Variants in UVRAG observed in about 807,000 individuals in gnomAD.
UVRAG encodes UV radiation resistance associated, also known as UV radiation resistance-associated gene protein.
Under a neutral mutation model 78.0 loss-of-function variants are expected in UVRAG, and 19 were observed. The observed-to-expected ratio is 0.24, with a 90% CI of 0.17 to 0.36. UVRAG has a LOEUF of 0.36. Ranked by LOEUF, UVRAG falls within the 10% of genes least tolerant of loss-of-function variation. UVRAG has a pLI of 1.00. For synonymous variants in UVRAG, 323 were observed against 324.6 expected (o/e 1.00, Z 0.05); for missense variants, 740 against 853.8 (o/e 0.87, Z 1.66).
chr11:75,927,192 C>T (rs1948128227), intron 6 of UVRAG, among the ~76,000 whole-genome samples: 1 of 151,928 alleles, frequency 6.6e-6, no homozygotes, highest in Non-Finnish European at 1.5e-5. Flanking sequence ...GCCTCAGCCT[C>T]CCGAGTAGCT....
At chr11:75,842,442 CTTTTTTT>C (rs11316075) in intron 1 of UVRAG, among the ~76,000 whole-genome samples, 1 of 134,234 alleles carries the variant, frequency 7.4e-6, no homozygotes, top group Non-Finnish European at 1.6e-5. Context: ...CCTTTTCTTT[CTTTTTTT>C]TTTTTTTTTT....
At chr11:75,949,070 G>A (rs372422279) in intron 6 of UVRAG, among the ~76,000 whole-genome samples, 24 of 152,138 alleles carry the variant, frequency 1.6e-4, no homozygotes, top group African/African-American at 5.3e-4. Flanking sequence ...ACCAGTTAGG[G>A]GCTATTGGCT....
intron 13 of UVRAG, among the ~76,000 whole-genome samples, chr11:76,070,592 A>G (rs892455046): frequency 1.3e-5 from 2 of 152,188 alleles, no homozygotes; most frequent in African/African-American, 4.8e-5. Context: ...AAATTTTTTT[A>G]AAGTTAGGTG....
chr11:75,876,579 AT>A (rs1211198715), intron 3 of UVRAG, among the ~76,000 whole-genome samples: 1 of 152,110 alleles, frequency 6.6e-6, no homozygotes, highest in African/African-American at 2.4e-5. Flanking sequence ...CATGGCTAGC[AT>A]TTAGTTTTTA....
chr11:75,977,619 T>A lies in UVRAG; in HGVS notation c.700-5768T>A, dbSNP rs531390240. Among the ~76,000 whole-genome samples, 533 of 152,348 alleles carry A rather than the reference T, an allele frequency of 3.5e-3. 3 individuals carry two copies. Among genetic ancestry groups the A allele is most frequent in the African/African-American group, 0.012 (483 of 41,578 alleles). ...CTAGTTGAATTGATCTCTTTACCAT[T>A]ATGTAATGGCCTTCTTTGTCTCTTC... On this transcript the variant is annotated intron_variant, in intron 7 of 14. Coordinates refer to ENST00000356136, the MANE Select transcript of UVRAG (RefSeq NM_003369.4).
chr11:75,850,848 A>T (rs1232642863), intron 1 of UVRAG, among the ~76,000 whole-genome samples: 1 of 152,228 alleles, frequency 6.6e-6, no homozygotes, highest in African/African-American at 2.4e-5. Context: ...AAACAAATTT[A>T]TTAGACAATA....
In UVRAG at chr11:75,897,869, T is replaced by TG. The variant is rs1665475803; in HGVS notation, c.507+8966_507+8967insG. 3.5e-5 allele frequency among the ~76,000 whole-genome samples: 3 copies of TG among 85,964 alleles called. No homozygotes were observed. The South Asian group carries it at 1.3e-3, about 37-fold the overall frequency. 56.4% of individuals were successfully genotyped at this position (85,964 alleles called of 152,430 possible). On this transcript the variant is annotated intron_variant, in intron 5 of 14. Coordinates refer to ENST00000356136, the MANE Select transcript of UVRAG (RefSeq NM_003369.4). ...CTATATACTTACCTTCATAGCTCTT[T>TG]AATTTTTTTTTTTTTTTTTTGGACA... is the stretch of plus-strand genomic sequence containing the variant.
chr11:76,063,807 C>T (rs1951136434), intron 12 of UVRAG, among the ~76,000 whole-genome samples: 1 of 152,070 alleles, frequency 6.6e-6, no homozygotes, highest in Non-Finnish European at 1.5e-5. Context: ...TAATGTAATT[C>T]TCCAATATAA....
At chr11:75,880,873 C>T (rs1427200416) in intron 4 of UVRAG, among the ~76,000 whole-genome samples, 1 of 150,542 alleles carries the variant, frequency 6.6e-6, no homozygotes, top group Non-Finnish European at 1.5e-5. Flanking sequence ...TCTCTTTTAA[C>T]TGGGCTCAAA....
chr11:76,040,909 A>C (rs1591166470), intron 12 of UVRAG, among the ~76,000 whole-genome samples: 1 of 152,174 alleles, frequency 6.6e-6, no homozygotes, highest in South Asian at 2.1e-4. Context: ...ACACGGTAAC[A>C]ATCAGCAGAC....
intron 13 of UVRAG, among the ~76,000 whole-genome samples, chr11:76,070,496 G>A (rs1301153866): frequency 1.3e-5 from 2 of 152,076 alleles, no homozygotes; most frequent in Non-Finnish European, 2.9e-5. Context: ...TTGTTTGACT[G>A]CTATAATCAT....
intron 12 of UVRAG, among the ~76,000 whole-genome samples, chr11:76,038,463 AT>A (rs985533229): frequency 6.6e-6 from 1 of 152,196 alleles, no homozygotes; most frequent in African/African-American, 2.4e-5. Context: ...TTTAGAGATA[AT>A]TTGAAGTATA....
chr11:75,836,445 G>T (rs1590915990), intron 1 of UVRAG, among the ~76,000 whole-genome samples: 1 of 152,088 alleles, frequency 6.6e-6, no homozygotes. Context: ...CCTGGGCTGG[G>T]TACACCATGT....
At chr11:75,955,627 C>G (rs1320416840) in intron 6 of UVRAG, among the ~76,000 whole-genome samples, 1 of 152,154 alleles carries the variant, frequency 6.6e-6, no homozygotes, top group East Asian at 1.9e-4. Flanking sequence ...AAGCCAGGTG[C>G]AGTGGCTCAC....
At chr11:76,101,145 G>A (rs1349434560) in intron 13 of UVRAG, among the ~76,000 whole-genome samples, 1 of 152,070 alleles carries the variant, frequency 6.6e-6, no homozygotes, top group African/African-American at 2.4e-5. Flanking sequence ...TTTCTGGGTC[G>A]AATGGTACTT....
chr11:76,055,379 C>T (rs1319741049), intron 12 of UVRAG, among the ~76,000 whole-genome samples: 3 of 152,070 alleles, frequency 2.0e-5, no homozygotes, highest in Non-Finnish European at 2.9e-5. Context: ...ATTAGCTAAA[C>T]CTTTTGTTTG....
At chr11:75,865,098 A>G (rs544296733) in intron 3 of UVRAG, among the ~76,000 whole-genome samples, 11 of 152,036 alleles carry the variant, frequency 7.2e-5, no homozygotes, top group African/African-American at 2.7e-4. Context: ...GACCAGCCTG[A>G]CCAACATGGA....
chr11:76,003,946 G>A, intron 8 of UVRAG, 59 bp from the exon 9 acceptor site: 2 of 1,509,814 alleles, frequency 1.3e-6, no homozygotes, highest in Non-Finnish European at 9.2e-7. Context: ...TGGCCTCTTT[G>A]GTTGTGATTG....
At chr11:75,931,382 T>C (rs529924011) in intron 6 of UVRAG, among the ~76,000 whole-genome samples, 21 of 152,288 alleles carry the variant, frequency 1.4e-4, no homozygotes, top group Non-Finnish European at 2.2e-4. Flanking sequence ...TAGTGTCTCA[T>C]GCTTGCCTGT....
Sources: allele counts gnomAD v4.1 joint callset (sites outside exome capture counted in the v4.1 genomes callset), GRCh38; gene constraint gnomAD v4.1.1; transcripts MANE v1.5; gene names NCBI Gene and HGNC (gene_info 2026-07-23, HGNC 2026-07-21).